Variants in KCNJ3 observed in about 807,000 individuals in gnomAD.
KCNJ3 encodes potassium inwardly rectifying channel subfamily J member 3, also known as G protein-activated inward rectifier potassium channel 1.
Under a neutral mutation model 39.2 loss-of-function variants are expected in KCNJ3, and 4 were observed. That is an observed-to-expected ratio of 0.10 (90% CI 0.05 to 0.23). The LOEUF is 0.23. Among genes scored for constraint, KCNJ3 ranks in the 10% least tolerant of loss-of-function variants. The probability of loss-of-function intolerance (pLI) is 1.00; values close to 1 mark genes in which losing one functional copy is unlikely to be tolerated. For missense variants in KCNJ3, 276 were observed against 634.9 expected, an observed-to-expected ratio of 0.43 and a Z score of 6.08; for synonymous variants, 230 against 237.4, an observed-to-expected ratio of 0.97 and a Z score of 0.29.
rs189280692 is a variant in KCNJ3 at position 154,736,573 on chromosome 2, A to G, written c.919+26754A>G. Among the ~76,000 whole-genome samples the G allele has an allele frequency of 2.2e-3, 329 of 152,198 alleles. 3 individuals carry two copies. Among genetic ancestry groups the G allele is most frequent in the African/African-American group, 7.7e-3 (320 of 41,538 alleles). On this transcript the variant is annotated intron_variant, in intron 2 of 2. Coordinates refer to ENST00000295101, the MANE Select transcript of KCNJ3 (RefSeq NM_002239.4). ...TTCTTACCAACTCAGAGGGTTTTAC[A>G]ATGTATATATGCAATGAAGCAACAG...
At chr2:154,700,269 T>A (rs1457642004) in intron 1 of KCNJ3, among the ~76,000 whole-genome samples, 1 of 152,244 alleles carries the variant, frequency 6.6e-6, no homozygotes, top group African/African-American at 2.4e-5. Flanking sequence ...AATTGCTTCC[T>A]ACCATCAACG....
intron 2 of KCNJ3, among the ~76,000 whole-genome samples, chr2:154,768,723 T>G (rs563918471): frequency 3.0e-3 from 458 of 152,250 alleles, no homozygotes; most frequent in Non-Finnish European, 4.1e-3. Flanking sequence ...ATTCTGTGAA[T>G]TAAGGCATTG....
chr2:154,736,374 TAAAA>T (rs70983745), intron 2 of KCNJ3, among the ~76,000 whole-genome samples: 24 of 93,226 alleles, frequency 2.6e-4, no homozygotes, highest in East Asian at 4.2e-4. Flanking sequence ...TCACTAGTTC[TAAAA>T]AAAAAAAAAA....
At chr2:154,781,073 G>A (rs1686430082) in intron 2 of KCNJ3, among the ~76,000 whole-genome samples, 1 of 152,124 alleles carries the variant, frequency 6.6e-6, no homozygotes, top group Non-Finnish European at 1.5e-5. Flanking sequence ...AGAGTGATGA[G>A]ATATGAGAAG....
At chr2:154,781,069 A>T (rs971715971) in intron 2 of KCNJ3, among the ~76,000 whole-genome samples, 2 of 152,156 alleles carry the variant, frequency 1.3e-5, no homozygotes, top group Non-Finnish European at 1.5e-5. Flanking sequence ...CTTCAGAGTG[A>T]TGAGATATGA....
At chr2:154,808,730 T>A (rs1349076491) in intron 2 of KCNJ3, among the ~76,000 whole-genome samples, 1 of 152,112 alleles carries the variant, frequency 6.6e-6, no homozygotes, top group Non-Finnish European at 1.5e-5. Flanking sequence ...TTATTTTGAT[T>A]ATTACCCATG....
At chr2:154,770,892 CTTTTTTT>C (rs35293315) in intron 2 of KCNJ3, among the ~76,000 whole-genome samples, 5 of 127,686 alleles carry the variant, frequency 3.9e-5, no homozygotes, top group Non-Finnish European at 8.1e-5. Context: ...TTTTCTTTTT[CTTTTTTT>C]TTTTTTTTTG....
At chr2:154,702,879 T>C (rs1684929422) in intron 1 of KCNJ3, among the ~76,000 whole-genome samples, 1 of 150,044 alleles carries the variant, frequency 6.7e-6, no homozygotes, top group African/African-American at 2.5e-5. Context: ...TTATCTTCTT[T>C]TCTCTTTTTG....
rs565386136 is a variant in KCNJ3, at chr2:154,858,283, T to A, written c.*2970T>A. The A allele has an allele frequency of 6.6e-6, 1 of 152,332 alleles. No individual in the cohort carries two copies. The highest frequency in any genetic ancestry group is 1.9e-4 in the East Asian group (1 of 5,178). 9.4% of individuals were successfully genotyped at this position (152,332 alleles called of 1,614,324 possible). A position where few individuals can be genotyped will look rare whatever the true frequency, so the allele number is the denominator to read the frequency against. ...ATGTCTTGGTTTGGATGATATATGG[T>A]GAAGTTTTTGTTGAAACTAAATTAT... On this transcript the variant is annotated 3_prime_UTR_variant, in exon 3 of 3. Transcript: ENST00000295101.
intron 2 of KCNJ3, among the ~76,000 whole-genome samples, chr2:154,733,372 A>G (rs1685476516): frequency 6.6e-6 from 1 of 152,162 alleles, no homozygotes. Flanking sequence ...TATAATAAAC[A>G]GTGAATGTTG....
rs1337545733 is a variant in KCNJ3 at position 154,698,700 on chromosome 2, C to T, written c.-76C>T. On this transcript the variant is annotated 5_prime_UTR_variant, in exon 1 of 3. Coordinates refer to ENST00000295101, the MANE Select transcript of KCNJ3 (RefSeq NM_002239.4). ...CCCTTTCCTCCCCCGCCCCCACCTC[C>T]TTATTGGTGCTAGTTTGCAGCGCCC... is the stretch of plus-strand genomic sequence containing the variant. The T allele has an allele frequency of 1.2e-5, 10 of 856,812 alleles. No individual in the cohort carries two copies. Among genetic ancestry groups the T allele is most frequent in the Admixed American group, 1.1e-4 (5 of 45,430 alleles). The allele number at this position is 856,812 out of a possible 1,614,324, so 53.1% of individuals were successfully genotyped here.
At chr2:154,838,294 G>C (rs1687504025) in intron 2 of KCNJ3, among the ~76,000 whole-genome samples, 1 of 152,148 alleles carries the variant, frequency 6.6e-6, no homozygotes, top group African/African-American at 2.4e-5. Context: ...TAATGGAAAA[G>C]TCAATAATTT....
intron 2 of KCNJ3, among the ~76,000 whole-genome samples, chr2:154,826,727 C>T (rs1687277546): frequency 6.6e-6 from 1 of 151,986 alleles, no homozygotes; most frequent in Non-Finnish European, 1.5e-5. Flanking sequence ...CAAAATACCC[C>T]ACAATGAATT....
At chr2:154,724,166 A>T (rs1036195194) in intron 2 of KCNJ3, among the ~76,000 whole-genome samples, 5 of 152,102 alleles carry the variant, frequency 3.3e-5, no homozygotes, top group Non-Finnish European at 5.9e-5. Context: ...AAAATGGTGA[A>T]TGTTATAGTT....
chr2:154,849,251 C>G (rs1687714787), intron 2 of KCNJ3, among the ~76,000 whole-genome samples: 1 of 152,134 alleles, frequency 6.6e-6, no homozygotes, highest in Non-Finnish European at 1.5e-5. Flanking sequence ...TAGAGAGATA[C>G]TTGACATATA....
At chr2:154,716,276 A>ATTTTTTTTTTTTTT (rs535989708) in intron 2 of KCNJ3, among the ~76,000 whole-genome samples, 14 of 115,450 alleles carry the variant, frequency 1.2e-4, no homozygotes, top group African/African-American at 2.7e-4. Flanking sequence ...CGGCCGGCTA[A>ATTTTTTTTTTTTTT]TTTTTTTTTT....
intron 2 of KCNJ3, among the ~76,000 whole-genome samples, chr2:154,735,867 T>A (rs1685521218): frequency 6.6e-6 from 1 of 152,224 alleles, no homozygotes; most frequent in Non-Finnish European, 1.5e-5. Context: ...CTGAGTAATC[T>A]TGATTTTGAG....
In KCNJ3 at chr2:154,798,435, A is replaced by G. The variant is rs575124594; in HGVS notation, c.920-56292A>G. 2.0e-5 allele frequency among the ~76,000 whole-genome samples: 3 copies of G among 152,284 alleles called. No homozygotes were observed. In the East Asian group the frequency reaches 5.8e-4, roughly 29 times the overall value. ...ACTTGTCAAGTTTATTCTAAAGTCT[A>G]TCTGGAAGACAAACTGTGCAAGAAC... On this transcript the variant is annotated intron_variant, in intron 2 of 2. Coordinates refer to ENST00000295101, the MANE Select transcript of KCNJ3 (RefSeq NM_002239.4).
At chr2:154,777,133 C>G (rs1176523749) in intron 2 of KCNJ3, among the ~76,000 whole-genome samples, 1 of 152,150 alleles carries the variant, frequency 6.6e-6, no homozygotes, top group Non-Finnish European at 1.5e-5. Context: ...CAAATCCAGC[C>G]TGCAAATATC....
Sources: allele counts gnomAD v4.1 joint callset (sites outside exome capture counted in the v4.1 genomes callset), GRCh38; gene constraint gnomAD v4.1.1; transcripts MANE v1.5; gene names NCBI Gene and HGNC (gene_info 2026-07-23, HGNC 2026-07-21).